Variants in PTPRN2 observed in about 807,000 individuals in gnomAD.
PTPRN2 encodes the protein protein tyrosine phosphatase receptor type N2.
In PTPRN2, 74 loss-of-function variants were observed where a neutral mutation model predicts 118.8. The observed-to-expected ratio is 0.62, with a 90% CI of 0.52 to 0.76. PTPRN2 has a LOEUF of 0.76. Ranked by LOEUF, PTPRN2 falls within the 30% of genes least tolerant of loss-of-function variation. The pLI is 0.00. For synonymous variants in PTPRN2, 641 were observed against 608.0 expected, an observed-to-expected ratio of 1.05 and a Z score of -0.80; for missense variants, 1,481 against 1,394.4, an observed-to-expected ratio of 1.06 and a Z score of -0.99.
At chr7:158,309,946 T>A (rs1801571918) in intron 3 of PTPRN2, among the ~76,000 whole-genome samples, 1 of 151,956 alleles carries the variant, frequency 6.6e-6, no homozygotes, top group Non-Finnish European at 1.5e-5. Context: ...ACGAAAGAGA[T>A]CCCAGAGCGC....
At chr7:158,291,916 C>A (rs1800147237) in intron 3 of PTPRN2, among the ~76,000 whole-genome samples, 1 of 152,120 alleles carries the variant, frequency 6.6e-6, no homozygotes, top group South Asian at 2.1e-4. Flanking sequence ...AAACAAGAGG[C>A]CCAGACATCA....
intron 4 of PTPRN2, among the ~76,000 whole-genome samples, chr7:158,196,823 A>G (rs1462301657): frequency 5.9e-5 from 9 of 152,224 alleles, no homozygotes; most frequent in Non-Finnish European, 8.8e-5. Context: ...AAGAAAAAAA[A>G]GTAACCCAGA....
In PTPRN2 at chr7:158,389,841, G is replaced by A. The variant is rs555166452; in HGVS notation, c.164-72909C>T. Reference sequence around the variant, plus strand: ...TAGTTTTCACAAACGGGCTCTTGGAGAAAAGAGGTGAGAGCCTCAGCAAAG... The same window carrying A: ...TAGTTTTCACAAACGGGCTCTTGGAAAAAAGAGGTGAGAGCCTCAGCAAAG... On this transcript the variant is annotated intron_variant, in intron 2 of 22. Coordinates refer to ENST00000389418, the MANE Select transcript of PTPRN2 (RefSeq NM_002847.5). Among the ~76,000 whole-genome samples the A allele has an allele frequency of 2.6e-5, 4 of 152,364 alleles. No homozygotes were observed. The South Asian group carries it at 8.3e-4, about 32-fold the overall frequency.
At chr7:158,337,434 G>A (rs1805861427) in intron 2 of PTPRN2, among the ~76,000 whole-genome samples, 1 of 138,794 alleles carries the variant, frequency 7.2e-6, no homozygotes, top group Admixed American at 7.1e-5. Flanking sequence ...CACCATAAGA[G>A]GTGACACCCA....
At chr7:158,130,062 C>T (rs927874750) in intron 9 of PTPRN2, among the ~76,000 whole-genome samples, 1 of 152,178 alleles carries the variant, frequency 6.6e-6, no homozygotes, top group African/African-American at 2.4e-5. Flanking sequence ...TGAAAATCAT[C>T]TTAAATTTTA....
chr7:158,386,137 CAAGTCCCTCCTCCCATGCCCT>C, intron 2 of PTPRN2, among the ~76,000 whole-genome samples: 1 of 126,244 alleles, frequency 7.9e-6, no homozygotes, highest in African/African-American at 4.5e-5. Context: ...TCCCATGCCC[CAAGTCCCTCCTCCCATGCCCT>C]GAGTCCCTCC....
chr7:158,210,131 C>CTTTTT (rs869191127), intron 3 of PTPRN2, among the ~76,000 whole-genome samples: 78 of 108,668 alleles, frequency 7.2e-4, no homozygotes, highest in African/African-American at 1.6e-3. Context: ...AATGATGCAT[C>CTTTTT]TTTTTTTTTT....
At chr7:158,318,923 C>T (rs1435256597) in intron 2 of PTPRN2, among the ~76,000 whole-genome samples, 2 of 152,214 alleles carry the variant, frequency 1.3e-5, no homozygotes, top group African/African-American at 2.4e-5. Flanking sequence ...GGATCCCCTT[C>T]CCAGGCAACC....
chr7:157,735,367 G>C (rs1337281642), intron 12 of PTPRN2, among the ~76,000 whole-genome samples: 1 of 152,190 alleles, frequency 6.6e-6, no homozygotes, highest in Admixed American at 6.5e-5. Context: ...CTGACTGTAT[G>C]GTGTCCATCC....
intron 2 of PTPRN2, among the ~76,000 whole-genome samples, chr7:158,326,325 CAT>C (rs1162310235): frequency 6.6e-6 from 1 of 152,264 alleles, no homozygotes; most frequent in Non-Finnish European, 1.5e-5. Flanking sequence ...TCATCCGAGA[CAT>C]CGCTCAGGAG....
At chr7:158,146,118 C>A (rs557179650) in intron 6 of PTPRN2, among the ~76,000 whole-genome samples, 1 of 152,248 alleles carries the variant, frequency 6.6e-6, no homozygotes, top group African/African-American at 2.4e-5. Context: ...GAGAAGCTCT[C>A]GCCACAGCTC....
chr7:158,227,011 G>T (rs1026613138), intron 3 of PTPRN2, among the ~76,000 whole-genome samples: 1 of 152,064 alleles, frequency 6.6e-6, no homozygotes, highest in African/African-American at 2.4e-5. Flanking sequence ...TGACTGCCAA[G>T]CTAGGCTCCA....
chr7:158,042,230 A>G (rs895315166), intron 11 of PTPRN2, among the ~76,000 whole-genome samples: 12 of 152,192 alleles, frequency 7.9e-5, no homozygotes, highest in Non-Finnish European at 1.6e-4. Context: ...AAACGTCCAG[A>G]AAAAAGAAGT....
chr7:158,466,336 A>G (rs1819384306), intron 2 of PTPRN2, among the ~76,000 whole-genome samples: 1 of 151,684 alleles, frequency 6.6e-6, no homozygotes, highest in Non-Finnish European at 1.5e-5. Flanking sequence ...CCCCCAAACC[A>G]TAACCAGCTT....
At chr7:158,155,724 CCA>C (rs1821739713) in intron 6 of PTPRN2, among the ~76,000 whole-genome samples, 1 of 96,908 alleles carries the variant, frequency 1.0e-5, no homozygotes, top group Non-Finnish European at 2.3e-5. Context: ...ACCATCATCA[CCA>C]TCACCATCAT....
chr7:157,815,079 C>T (rs1022737773), intron 12 of PTPRN2, among the ~76,000 whole-genome samples: 19 of 152,212 alleles, frequency 1.2e-4, no homozygotes, highest in East Asian at 3.8e-4. Flanking sequence ...GGGAGCAGCG[C>T]GGGAGGCAGT....
In PTPRN2 at chr7:157,785,412, T is replaced by C. The variant is rs1406625488; in HGVS notation, c.1789-102475A>G. ...CGCCCCCGAGGATGAAAGGGGGTGG[T>C]GGAAAAGGCCTTGGAGCCTGGGGCA... On this transcript the variant is annotated intron_variant, in intron 12 of 22. Coordinates refer to ENST00000389418, the MANE Select transcript of PTPRN2 (RefSeq NM_002847.5). This position sits in a 1 kb window ranked among gnomAD's most constrained non-coding sequence, Gnocchi z 7.3. Among the ~76,000 whole-genome samples, 5 of 151,856 alleles carry C rather than the reference T, an allele frequency of 3.3e-5. No individual in the cohort carries two copies. The highest frequency in any genetic ancestry group is 5.9e-5 in the Non-Finnish European group (4 of 67,964).
Position 158,449,576 on chromosome 7 carries a change from C to T in PTPRN2, c.163+40159G>A, listed in dbSNP as rs367969930. Among the ~76,000 whole-genome samples, 13 of 151,958 alleles carry T rather than the reference C, an allele frequency of 8.6e-5. No homozygotes were observed. In the South Asian group the frequency reaches 1.5e-3, roughly 17 times the overall value. On this transcript the variant is annotated intron_variant, in intron 2 of 22. Transcript: ENST00000389418. ...CAGAAGCAAGACACATAGCGCGGGC[C>T]GAGACCAAACACCAACAGGCAGAAG... is the stretch of plus-strand genomic sequence containing the variant.
At chr7:158,005,410 G>C (rs1404904267) in intron 11 of PTPRN2, among the ~76,000 whole-genome samples, 1 of 152,056 alleles carries the variant, frequency 6.6e-6, no homozygotes, top group African/African-American at 2.4e-5. Flanking sequence ...TTATGGTGGC[G>C]AATATGGAAA....
Sources: allele counts gnomAD v4.1 joint callset (sites outside exome capture counted in the v4.1 genomes callset), GRCh38; gene constraint gnomAD v4.1.1; non-coding constraint Gnocchi (gnomAD v3.1); transcripts MANE v1.5; gene names NCBI Gene and HGNC (gene_info 2026-07-23, HGNC 2026-07-21).